PBX1: variants seen among roughly 807,000 people sequenced by gnomAD.
The protein encoded by PBX1 is PBX homeobox 1, also known as pre-B-cell leukemia transcription factor 1.
Under a neutral mutation model 53.4 loss-of-function variants are expected in PBX1, and 6 were observed. The ratio of observed to expected loss-of-function variants is 0.11; its 90% CI spans 0.06 to 0.22. PBX1 has a LOEUF of 0.22. Ranked by LOEUF, PBX1 falls within the 10% of genes least tolerant of loss-of-function variation. PBX1 has a pLI of 1.00. For synonymous variants in PBX1, 204 were observed against 212.3 expected (o/e 0.96, Z 0.34); for missense variants, 251 against 551.4 (o/e 0.46, Z 5.46).
At position 164,638,656 on chromosome 1, in the gene PBX1, G is replaced by A. The variant is rs563159611; in HGVS notation, c.265+75345G>A. On this transcript the variant is annotated intron_variant, in intron 2 of 8. Coordinates refer to ENST00000420696, the MANE Select transcript of PBX1 (RefSeq NM_002585.4). Reference sequence around the variant, plus strand: ...TGACTACTGATTGTTCTTTGAGGCCGGAGGAACAAAGCAGTCAGGAGCGAT... The same window carrying A: ...TGACTACTGATTGTTCTTTGAGGCCAGAGGAACAAAGCAGTCAGGAGCGAT... Among the ~76,000 whole-genome samples, 14 of 152,312 alleles carry A rather than the reference G, an allele frequency of 9.2e-5. No individual in the cohort carries two copies. In the South Asian group the frequency reaches 2.3e-3, roughly 25 times the overall value.
chr1:164,764,849 G>A (rs933251517), intron 2 of PBX1, among the ~76,000 whole-genome samples: 1 of 152,120 alleles, frequency 6.6e-6, no homozygotes. Context: ...CATTATTGCA[G>A]CTACTGTTTC....
chr1:164,609,290 A>C (rs1408835761), intron 2 of PBX1, among the ~76,000 whole-genome samples: 1 of 152,110 alleles, frequency 6.6e-6, no homozygotes, highest in Non-Finnish European at 1.5e-5. Flanking sequence ...CTGGGGACAC[A>C]AAATTGAGCG....
At chr1:164,726,609 G>A (rs775119468) in intron 2 of PBX1, among the ~76,000 whole-genome samples, 8 of 152,162 alleles carry the variant, frequency 5.3e-5, no homozygotes, top group Non-Finnish European at 5.9e-5. Context: ...TTAGCACTAC[G>A]CTTGACATCT....
chr1:164,810,927 T>C (rs1465504699), intron 5 of PBX1, among the ~76,000 whole-genome samples: 1 of 152,190 alleles, frequency 6.6e-6, no homozygotes, highest in Non-Finnish European at 1.5e-5. Context: ...TTCAGTGCTA[T>C]CCTTATAAGA....
rs142855964 is a variant in PBX1 at position 164,603,578 on chromosome 1, T to A, written c.265+40267T>A. ...TCCTTGTATAATTCAATGTAATATG[T>A]GTTTTTAAGCTACAATATGTAAGCC... On this transcript the variant is annotated intron_variant, in intron 2 of 8. Coordinates refer to ENST00000420696, the MANE Select transcript of PBX1 (RefSeq NM_002585.4). Among the ~76,000 whole-genome samples the A allele has an allele frequency of 1.1e-3, 167 of 152,348 alleles. 2 individuals are homozygous for A. Among genetic ancestry groups the A allele is most frequent in the African/African-American group, 3.8e-3 (158 of 41,576 alleles).
At chr1:164,777,912 C>T (rs1667747710) in intron 2 of PBX1, among the ~76,000 whole-genome samples, 2 of 152,212 alleles carry the variant, frequency 1.3e-5, no homozygotes, top group African/African-American at 2.4e-5. Flanking sequence ...GACTCCATAA[C>T]CTTCTGGTTT....
At chr1:164,780,047 CT>C (rs1165888576) in intron 2 of PBX1, among the ~76,000 whole-genome samples, 1 of 152,160 alleles carries the variant, frequency 6.6e-6, no homozygotes, top group Non-Finnish European at 1.5e-5. Flanking sequence ...GTGCTAAATG[CT>C]TTTTGATGAT....
chr1:164,811,788 A>T (rs759200866), intron 5 of PBX1, among the ~76,000 whole-genome samples: 9 of 152,228 alleles, frequency 5.9e-5, no homozygotes, highest in Non-Finnish European at 1.0e-4. Flanking sequence ...AATTTCAGTT[A>T]TATTAAACAA....
Position 164,846,740 on chromosome 1 carries a change from T to A in PBX1, c.*64T>A, listed in dbSNP as rs1571521353. On this transcript the variant is annotated 3_prime_UTR_variant, in exon 9 of 9. Coordinates refer to ENST00000420696, the MANE Select transcript of PBX1 (RefSeq NM_002585.4). ...GTTGGGGCAGGGGCAGGAGGGAGGG[T>A]TTCTCTCCCAACGCTGAAGCGGTCA... The A allele has an allele frequency of 6.2e-7, 1 of 1,612,452 alleles. No individual in the cohort carries two copies. Among genetic ancestry groups the A allele is most frequent in the Admixed American group, 1.7e-5 (1 of 59,962 alleles).
chr1:164,832,333 A>G (rs1571493807), intron 8 of PBX1, among the ~76,000 whole-genome samples: 1 of 152,314 alleles, frequency 6.6e-6, no homozygotes, highest in South Asian at 2.1e-4. Context: ...AAGGCTTACG[A>G]CTAGTTCATT....
chr1:164,650,372 G>A (rs1364217985), intron 2 of PBX1, among the ~76,000 whole-genome samples: 3 of 151,998 alleles, frequency 2.0e-5, no homozygotes, highest in Non-Finnish European at 4.4e-5. Flanking sequence ...GGGATTACAG[G>A]CACCTGCTAC....
At chr1:164,795,654 G>A (rs1222400007) in intron 3 of PBX1, among the ~76,000 whole-genome samples, 1 of 152,138 alleles carries the variant, frequency 6.6e-6, no homozygotes, top group Non-Finnish European at 1.5e-5. Flanking sequence ...AATATTAGTT[G>A]TGTTAATTAT....
At chr1:164,809,526 G>A (rs777935663) in intron 5 of PBX1, among the ~76,000 whole-genome samples, 6 of 152,168 alleles carry the variant, frequency 3.9e-5, no homozygotes, top group Admixed American at 6.5e-5. Context: ...TTTGACAAGA[G>A]TCAACTGTGG....
At chr1:164,777,846 T>G (rs1667746063) in intron 2 of PBX1, among the ~76,000 whole-genome samples, 1 of 152,234 alleles carries the variant, frequency 6.6e-6, no homozygotes, top group South Asian at 2.1e-4. Flanking sequence ...TATGTGAACA[T>G]AATTCACATT....
At chr1:164,603,575 A>G (rs1284218301) in intron 2 of PBX1, among the ~76,000 whole-genome samples, 1 of 152,242 alleles carries the variant, frequency 6.6e-6, no homozygotes, top group African/African-American at 2.4e-5. Flanking sequence ...TCAATGTAAT[A>G]TGTGTTTTTA....
intron 3 of PBX1, among the ~76,000 whole-genome samples, chr1:164,797,167 G>T (rs1462555035): frequency 6.6e-6 from 1 of 152,212 alleles, no homozygotes; most frequent in Non-Finnish European, 1.5e-5. Context: ...GGGATAGAGT[G>T]CCCTGAATAA....
chr1:164,724,146 T>G (rs1664557007), intron 2 of PBX1, among the ~76,000 whole-genome samples: 1 of 152,196 alleles, frequency 6.6e-6, no homozygotes, highest in Non-Finnish European at 1.5e-5. Context: ...GAAAATGTGA[T>G]ACTGGGTTAC....
intron 8 of PBX1, among the ~76,000 whole-genome samples, chr1:164,844,052 A>G (rs1271127575): frequency 6.8e-6 from 1 of 148,068 alleles, no homozygotes; most frequent in Admixed American, 6.7e-5. Flanking sequence ...GAGCTTCCTT[A>G]TCTGCTTATT....
At chr1:164,839,702 C>T (rs1001690961) in intron 8 of PBX1, among the ~76,000 whole-genome samples, 2 of 152,130 alleles carry the variant, frequency 1.3e-5, no homozygotes, top group African/African-American at 2.4e-5. Flanking sequence ...TTTGCAGCAG[C>T]GTAAACTACA....
Sources: allele counts gnomAD v4.1 joint callset (sites outside exome capture counted in the v4.1 genomes callset), GRCh38; gene constraint gnomAD v4.1.1; transcripts MANE v1.5; gene names NCBI Gene and HGNC (gene_info 2026-07-23, HGNC 2026-07-21).